Variants in GRIA1 observed in about 807,000 individuals in gnomAD.
GRIA1 encodes the protein glutamate receptor 1.
GRIA1 carries 31 observed loss-of-function variants against 99.2 expected under a neutral mutation model. That is an observed-to-expected ratio of 0.31 (90% confidence interval 0.23 to 0.42). The LOEUF is 0.42. Among genes scored for constraint, GRIA1 ranks in the 10% least tolerant of loss-of-function variants. The probability of loss-of-function intolerance (pLI) is 1.00; values close to 1 mark genes in which losing one functional copy is unlikely to be tolerated. For synonymous variants in GRIA1, 438 were observed against 432.4 expected, an observed-to-expected ratio of 1.01 and a Z score of -0.16; for missense variants, 782 against 1,157.5, an observed-to-expected ratio of 0.68 and a Z score of 4.71.
rs1333954518 is a variant in GRIA1, at chr5:153,705,706, G to A, written c.1462G>A (p.Val488Met). 7.0e-6 allele frequency: 3 copies of A among 425,556 alleles called. No homozygotes were observed. The highest frequency in any genetic ancestry group is 1.3e-5 in the Non-Finnish European group (3 of 223,072). The allele number at this position is 425,556 out of a possible 1,614,324, so 26.4% of individuals were successfully genotyped here. ...VGELVYGRAD[V>M]AVAPLTITLV... The stretch of plus-strand genomic sequence containing the variant: ...TTTTTTTTTTTTTCAGAGAGCAGAT[G>A]TGGCTGTGGCTCCCTTAACTATCAC... Residue 488 changes from valine (V) to methionine (M), a missense_variant, in exon 11 of 16, where the codon GTG becomes ATG. Physicochemically the swap from Val to Met is conservative, Grantham distance 21. This residue lies in a region of GRIA1 where 87 missense variants were observed against 184.5 expected (regional missense o/e 0.47). Coordinates refer to ENST00000285900, the MANE Select transcript of GRIA1 (RefSeq NM_000827.4).
At chr5:153,550,366 T>C (rs1055006764) in intron 2 of GRIA1, among the ~76,000 whole-genome samples, 3 of 151,626 alleles carry the variant, frequency 2.0e-5, no homozygotes, top group Admixed American at 6.6e-5. Context: ...GAGGCAGGCA[T>C]TGGGGTGGGC....
rs61177262 is a variant in GRIA1, at chr5:153,523,016, ATC to A, written c.220+28980_220+28981del. Among the ~76,000 whole-genome samples, 1,033 of 141,586 alleles carry A rather than the reference ATC, an allele frequency of 7.3e-3. 14 individuals are homozygous for A. The highest frequency in any genetic ancestry group is 0.023 in the African/African-American group (882 of 37,712). The allele number at this position is 141,586 out of a possible 152,430, so 92.9% of individuals were successfully genotyped here. A position where few individuals can be genotyped will look rare whatever the true frequency, so the allele number is the denominator to read the frequency against. ...TCCACCTGATTCTCTTGTTCCTGAT[ATC>A]TCTCTCTCTCTCTCTCTCTCTCTCT... is the stretch of plus-strand genomic sequence containing the variant. On this transcript the variant is annotated intron_variant, in intron 2 of 15. Transcript: ENST00000285900.
chr5:153,799,336 G>A (rs1765849378), intron 14 of GRIA1, among the ~76,000 whole-genome samples: 1 of 152,148 alleles, frequency 6.6e-6, no homozygotes, highest in South Asian at 2.1e-4. Context: ...TTTTGTCCCT[G>A]CCCCAGGATT....
At chr5:153,639,433 G>C (rs1273711261) in intron 2 of GRIA1, among the ~76,000 whole-genome samples, 1 of 152,098 alleles carries the variant, frequency 6.6e-6, no homozygotes, top group Non-Finnish European at 1.5e-5. Flanking sequence ...TCTTGTTCCT[G>C]AGCCTCATTC....
chr5:153,806,263 C>CATTTT (rs1379607508), intron 15 of GRIA1, among the ~76,000 whole-genome samples: 13 of 151,542 alleles, frequency 8.6e-5, no homozygotes, highest in Admixed American at 4.6e-4. Flanking sequence ...TTTATTTTTT[C>CATTTT]ATTTTATTTT....
intron 5 of GRIA1, among the ~76,000 whole-genome samples, chr5:153,666,403 A>G (rs1457500589): frequency 2.0e-5 from 3 of 152,186 alleles, no homozygotes; most frequent in African/African-American, 4.8e-5. Flanking sequence ...TTCAAGTACC[A>G]GCACACATTA....
At chr5:153,491,773 C>G (rs1038812058) in intron 1 of GRIA1, among the ~76,000 whole-genome samples, 1 of 152,212 alleles carries the variant, frequency 6.6e-6, no homozygotes, top group Admixed American at 6.5e-5. Flanking sequence ...TGGGCTCCAT[C>G]CTCTCAACTT....
At chr5:153,579,078 A>C (rs934670388) in intron 2 of GRIA1, among the ~76,000 whole-genome samples, 5 of 152,130 alleles carry the variant, frequency 3.3e-5, no homozygotes, top group African/African-American at 1.2e-4. Context: ...GTGCTTGATA[A>C]ATTTTGAACT....
chr5:153,497,788 C>CTG, intron 2 of GRIA1, among the ~76,000 whole-genome samples: 1 of 152,280 alleles, frequency 6.6e-6, no homozygotes, highest in Non-Finnish European at 1.5e-5. Context: ...ACATAAAGTG[C>CTG]TACAAATGCA....
At chr5:153,663,722 A>G (rs945594318) in intron 5 of GRIA1, among the ~76,000 whole-genome samples, 18 of 152,228 alleles carry the variant, frequency 1.2e-4, no homozygotes, top group African/African-American at 4.3e-4. Context: ...TTCAAAAGGA[A>G]AAAAATCAGC....
chr5:153,726,759 C>CCA, intron 11 of GRIA1, among the ~76,000 whole-genome samples: 1 of 151,276 alleles, frequency 6.6e-6, no homozygotes, highest in Admixed American at 6.6e-5. Flanking sequence ...AGCTTACCAA[C>CCA]AAAAAGTCCA....
At chr5:153,538,185 C>G (rs1758757386) in intron 2 of GRIA1, among the ~76,000 whole-genome samples, 1 of 152,122 alleles carries the variant, frequency 6.6e-6, no homozygotes, top group South Asian at 2.1e-4. Context: ...CTGGTTCTCC[C>G]AAAATATTTA....
rs80127633 is a variant in GRIA1, at chr5:153,765,815, A to C, written c.2022+1183A>C. 9.7e-3 allele frequency among the ~76,000 whole-genome samples: 1,485 copies of C among 152,366 alleles called. 15 individuals carry two copies. Among genetic ancestry groups the C allele is most frequent in the African/African-American group, 0.034 (1,399 of 41,598 alleles). On this transcript the variant is annotated intron_variant, in intron 12 of 15. Transcript: ENST00000285900. ...ATTATCTCATTTAATCCTCTCATTA[A>C]AGATGAGTTAGAGATTGTCCCTATT...
chr5:153,526,271 T>C (rs995086822), intron 2 of GRIA1, among the ~76,000 whole-genome samples: 1 of 152,232 alleles, frequency 6.6e-6, no homozygotes, highest in Non-Finnish European at 1.5e-5. Flanking sequence ...TCCCAGTCTA[T>C]GAATTAACAC....
chr5:153,677,166 G>A lies in GRIA1; in HGVS notation c.1029+5G>A. 1 of 1,453,846 alleles carries A rather than the reference G, an allele frequency of 6.9e-7. No individual in the cohort carries two copies. The highest frequency in any genetic ancestry group is 9.2e-7 in the Non-Finnish European group (1 of 1,089,252). The allele number at this position is 1,453,846 out of a possible 1,614,324, so 90.1% of individuals were successfully genotyped here. A position where few individuals can be genotyped will look rare whatever the true frequency, so the allele number is the denominator to read the frequency against. ...ATCCAGAGAGCTCTGCAGCAGGTAAGACCACCAATGTTTGCCCCATCTCAT... is the reference window on the plus strand; with the variant it reads ...ATCCAGAGAGCTCTGCAGCAGGTAAAACCACCAATGTTTGCCCCATCTCAT... On this transcript the variant is annotated splice_donor_5th_base_variant and intron_variant, in intron 7 of 15. Transcript: ENST00000285900.
chr5:153,727,762 T>A, intron 11 of GRIA1, among the ~76,000 whole-genome samples: 1 of 152,178 alleles, frequency 6.6e-6, no homozygotes, highest in Non-Finnish European at 1.5e-5. Context: ...GAACATTCCA[T>A]GCTCATGGGT....
intron 5 of GRIA1, among the ~76,000 whole-genome samples, chr5:153,660,608 A>T (rs753705059): frequency 3.9e-5 from 6 of 152,160 alleles, no homozygotes; most frequent in Non-Finnish European, 8.8e-5. Flanking sequence ...GCAGCAATAG[A>T]TCTGACATTC....
intron 11 of GRIA1, among the ~76,000 whole-genome samples, chr5:153,742,115 A>T (rs183275164): frequency 2.4e-3 from 367 of 152,234 alleles, no homozygotes; most frequent in Non-Finnish European, 3.4e-3. Flanking sequence ...TACGAAAAAA[A>T]ATATGTTGCT....
chr5:153,739,307 C>A (rs189223229), intron 11 of GRIA1, among the ~76,000 whole-genome samples: 1 of 152,238 alleles, frequency 6.6e-6, no homozygotes, highest in East Asian at 1.9e-4. Context: ...TTGTTATTTT[C>A]TCTGCCTGTA....
Sources: gnomAD v4.1 joint callset for allele counts (sites outside exome capture counted in the v4.1 genomes callset) on GRCh38, gnomAD v4.1.1 for gene constraint, gnomAD v4.1.1 regional missense constraint, MANE v1.5 for transcripts, NCBI Gene and HGNC (gene_info 2026-07-23, HGNC 2026-07-21) for gene names.